Variants in SH2B3 observed in about 807,000 individuals in gnomAD.
SH2B3 encodes SH2B adapter protein 3.
A neutral mutation model predicts 51.9 loss-of-function variants in SH2B3; 43 were observed. The observed-to-expected ratio is 0.83, with a 90% CI of 0.65 to 1.07. The LOEUF (loss-of-function observed/expected upper bound fraction) is 1.07. Among genes scored for constraint, SH2B3 ranks in the 50% least tolerant of loss-of-function variants. The pLI is 0.00. For missense variants in SH2B3, 952 were observed against 834.3 expected, an observed-to-expected ratio of 1.14 and a Z score of -1.74; for synonymous variants, 396 against 376.0, an observed-to-expected ratio of 1.05 and a Z score of -0.62.
At chr12:111,431,063 C>T (rs903277911) in intron 2 of SH2B3, among the ~76,000 whole-genome samples, 7 of 152,194 alleles carry the variant, frequency 4.6e-5, no homozygotes, top group African/African-American at 9.7e-5. Context: ...GCAGGAGGGG[C>T]CACCTCAGCT....
At chr12:111,405,141 C>T (rs1310391214), upstream of SH2B3, among the ~76,000 whole-genome samples, 1 of 152,000 alleles carries the variant, frequency 6.6e-6, no homozygotes, top group Non-Finnish European at 1.5e-5. The surrounding 1 kb of genome is among the most constrained non-coding windows in gnomAD (Gnocchi z 5.4). Context: ...AGCCCGGGGG[C>T]GGGCAGGGGG....
In SH2B3 at chr12:111,418,959, G is replaced by C. The variant is rs1272929377; in HGVS notation, c.732+82G>C. 7.9e-7 allele frequency: 1 copy of C among 1,266,970 alleles called. No individual in the cohort carries two copies. The highest frequency in any genetic ancestry group is 1.0e-6 in the Non-Finnish European group (1 of 986,944). 78.5% of individuals were successfully genotyped at this position (1,266,970 alleles called of 1,614,324 possible). A position where few individuals can be genotyped will look rare whatever the true frequency, so the allele number is the denominator to read the frequency against. On this transcript the variant is annotated intron_variant, in intron 2 of 7. Transcript: ENST00000341259. The surrounding 1 kb of genome is among the most constrained non-coding windows in gnomAD (Gnocchi z 6.7). Reference sequence around the variant, plus strand: ...TGGGGAGAGCGCGGGCTGGGGAGGTGTGATGGCTTTCCAGCTGGTGGCCAC... The same window carrying C: ...TGGGGAGAGCGCGGGCTGGGGAGGTCTGATGGCTTTCCAGCTGGTGGCCAC...
chr12:111,445,875 C>CTCCA (rs747131617), intron 2 of SH2B3, among the ~76,000 whole-genome samples: 10 of 152,406 alleles, frequency 6.6e-5, no homozygotes, highest in East Asian at 3.9e-4. Context: ...GCACTAGCAG[C>CTCCA]TCCAGTCCAA....
intron 2 of SH2B3, among the ~76,000 whole-genome samples, chr12:111,443,059 G>T (rs1218476705): frequency 6.6e-6 from 1 of 152,256 alleles, no homozygotes; most frequent in African/African-American, 2.4e-5. Context: ...CTGTCCCTCA[G>T]CACACAGAAG....
In SH2B3 at chr12:111,448,490, A is replaced by G. The variant is rs1874285058; in HGVS notation, c.*188A>G. 3.4e-6 allele frequency: 2 copies of G among 592,770 alleles called. No individual in the cohort carries two copies. The allele number at this position is 592,770 out of a possible 1,614,324, so 36.7% of individuals were successfully genotyped here. Reference sequence around the variant, plus strand: ...AAGGGCCCTCCTGTAGGTTTCATCTATCCACCTGGCTTTCTCCTTATTGTT... The same window carrying G: ...AAGGGCCCTCCTGTAGGTTTCATCTGTCCACCTGGCTTTCTCCTTATTGTT... On this transcript the variant is annotated 3_prime_UTR_variant, in exon 8 of 8. Coordinates refer to ENST00000341259, the MANE Select transcript of SH2B3 (RefSeq NM_005475.3).
At chr12:111,423,359 GTTT>G (rs1487700756) in intron 2 of SH2B3, among the ~76,000 whole-genome samples, 3 of 152,062 alleles carry the variant, frequency 2.0e-5, no homozygotes, top group African/African-American at 7.2e-5. Context: ...ACACTGTAGG[GTTT>G]TTATTTTTTT....
rs1874101949 is a variant in SH2B3 at position 111,447,394 on chromosome 12, C to T, written c.1086C>T (p.Tyr362=). 2.5e-6 allele frequency: 4 copies of T among 1,614,004 alleles called. No individual in the cohort carries two copies. The highest frequency in any genetic ancestry group is 3.4e-6 in the Non-Finnish European group (4 of 1,179,984). ...AGACGGACCATTTCCTGTCCTGCTACCCCTGGTTCCACGGCCCCATCTCCA... is the reference window on the plus strand; with the variant it reads ...AGACGGACCATTTCCTGTCCTGCTATCCCTGGTTCCACGGCCCCATCTCCA... ...CQKTDHFLSC[Y]PWFHGPISRV... is the part of the protein sequence containing the mutation. The change falls in exon 6 of 8, where the codon TAC becomes TAT. Residue 362 remains tyrosine (Y), a synonymous_variant. Coordinates refer to ENST00000341259, the MANE Select transcript of SH2B3 (RefSeq NM_005475.3).
At chr12:111,421,746 T>C (rs975537496) in intron 2 of SH2B3, among the ~76,000 whole-genome samples, 15 of 152,124 alleles carry the variant, frequency 9.9e-5, no homozygotes, top group African/African-American at 3.1e-4. Context: ...ACTGAATAGA[T>C]TCCATTGCAC....
intron 2 of SH2B3, among the ~76,000 whole-genome samples, chr12:111,445,294 A>AG (rs1412669943): frequency 6.6e-6 from 1 of 152,184 alleles, no homozygotes; most frequent in Admixed American, 6.5e-5. Flanking sequence ...AAGTAGCAGA[A>AG]GGAAGTGGCC....
In SH2B3 at chr12:111,447,024, C is replaced by A. The variant is rs140042617; in HGVS notation, c.917C>A (p.Thr306Lys). 2.7e-5 allele frequency: 44 copies of A among 1,613,672 alleles called. No homozygotes were observed. The African/African-American group carries it at 4.8e-4, about 18-fold the overall frequency. ...NSWMAELSEC[T>K]GRGLESTEAE... ...TGGATGGCTGAGCTCTCGGAGTGCA[C>A]AGGCCGAGGGTGAGGTCCTGGGCCC... The change falls in exon 4 of 8, where the codon ACA becomes AAA. Residue 306 changes from threonine to lysine, a missense_variant. Transcript: ENST00000341259.
intron 2 of SH2B3, among the ~76,000 whole-genome samples, chr12:111,422,985 CCA>C (rs1871677456): frequency 6.6e-6 from 1 of 152,340 alleles, no homozygotes; most frequent in Admixed American, 6.5e-5. Context: ...GTGCGAGCCA[CCA>C]CGCCTGGCCA....
At chr12:111,408,195 G>T (rs761514889) in intron 1 of SH2B3, among the ~76,000 whole-genome samples, 1 of 152,138 alleles carries the variant, frequency 6.6e-6, no homozygotes, top group African/African-American at 2.4e-5. Context: ...TAGCTATAAG[G>T]CCTTGCTTAA....
At chr12:111,413,993 C>T (rs890572525) in intron 1 of SH2B3, among the ~76,000 whole-genome samples, 1 of 152,190 alleles carries the variant, frequency 6.6e-6, no homozygotes, top group East Asian at 1.9e-4. Flanking sequence ...AGCGGCAGAT[C>T]GTGTAGGTGG....
At position 111,407,247 on chromosome 12, in the gene SH2B3, C is replaced by T. The variant is rs1394818250; in HGVS notation, c.-28+970C>T. On this transcript the variant is annotated intron_variant, in intron 1 of 7. Transcript: ENST00000341259. This position sits in a 1 kb window ranked among gnomAD's most constrained non-coding sequence, Gnocchi z 4.3. Reference sequence around the variant, plus strand: ...TGGGGGCCTCCAGGGAGGGGCACGGCCAGGCTGGGCTGAGTGGGAGGAAGT... The same window carrying T: ...TGGGGGCCTCCAGGGAGGGGCACGGTCAGGCTGGGCTGAGTGGGAGGAAGT... Among the ~76,000 whole-genome samples, 2 of 152,156 alleles carry T rather than the reference C, an allele frequency of 1.3e-5. No homozygotes were observed. The highest frequency in any genetic ancestry group is 2.9e-5 in the Non-Finnish European group (2 of 68,032).
intron 2 of SH2B3, among the ~76,000 whole-genome samples, chr12:111,428,550 C>A (rs1303629127): frequency 8.5e-5 from 13 of 152,206 alleles, no homozygotes; most frequent in African/African-American, 3.1e-4. Flanking sequence ...GCCTCGGGCC[C>A]ACCCTTCTGG....
chr12:111,422,394 T>C (rs1871627377), intron 2 of SH2B3, among the ~76,000 whole-genome samples: 1 of 152,234 alleles, frequency 6.6e-6, no homozygotes, highest in East Asian at 1.9e-4. Flanking sequence ...CCTTTTCATA[T>C]GTTGATTGGT....
chr12:111,442,602 G>A (rs1873531684), intron 2 of SH2B3, among the ~76,000 whole-genome samples: 1 of 152,230 alleles, frequency 6.6e-6, no homozygotes, highest in South Asian at 2.1e-4. Flanking sequence ...CTGCTGGGGT[G>A]TGTCAGATGC....
intron 1 of SH2B3, among the ~76,000 whole-genome samples, chr12:111,408,881 G>C (rs1245900358): frequency 3.9e-5 from 6 of 152,352 alleles, no homozygotes; most frequent in African/African-American, 1.4e-4. Context: ...GGCTTTAACA[G>C]CTGTGCACTT....
rs1479678654 is a variant in SH2B3 at position 111,418,584 on chromosome 12, C to T, written c.439C>T (p.Arg147Cys). Residue 147 changes from arginine (R) to cysteine (C), a missense_variant, in exon 2 of 8, where the codon CGC (arginine) becomes TGC (cysteine). By Grantham distance (180) the Arg-to-Cys change is radical. Coordinates refer to ENST00000341259, the MANE Select transcript of SH2B3 (RefSeq NM_005475.3). The surrounding 1 kb of genome is among the most constrained non-coding windows in gnomAD (Gnocchi z 6.7). Reference sequence around the variant, plus strand: ...TCGCCGCAGCCTCCGCCACATCTTCCGCCGCCGCTCGGCCGGGGAGCTGCC... The same window carrying T: ...TCGCCGCAGCCTCCGCCACATCTTCTGCCGCCGCTCGGCCGGGGAGCTGCC... The part of the protein sequence containing the change: ...HFRRSLRHIF[R>C]RRSAGELPAA... 3.2e-5 allele frequency: 48 copies of T among 1,485,972 alleles called. No homozygotes were observed. The highest frequency in any genetic ancestry group is 3.8e-5 in the Non-Finnish European group (43 of 1,125,160). 92.0% of individuals were successfully genotyped at this position (1,485,972 alleles called of 1,614,324 possible). A position where few individuals can be genotyped will look rare whatever the true frequency, so the allele number is the denominator to read the frequency against.
Sources: allele counts gnomAD v4.1 joint callset (sites outside exome capture counted in the v4.1 genomes callset), GRCh38; gene constraint gnomAD v4.1.1; non-coding constraint Gnocchi (gnomAD v3.1); transcripts MANE v1.5; gene names NCBI Gene and HGNC (gene_info 2026-07-23, HGNC 2026-07-21).